ADGRD1: variants seen among roughly 807,000 people sequenced by gnomAD.
ADGRD1 encodes adhesion G protein-coupled receptor D1, also known as G-protein coupled receptor 133.
Under a neutral mutation model 113.4 loss-of-function variants are expected in ADGRD1, and 77 were observed. The ratio of observed to expected loss-of-function variants is 0.68; its 90% CI spans 0.57 to 0.82. The LOEUF (loss-of-function observed/expected upper bound fraction) is 0.82, where lower values mean the gene tolerates loss of function less well. Among genes scored for constraint, ADGRD1 ranks in the 40% least tolerant of loss-of-function variants. ADGRD1 has a pLI of 0.00. For missense variants in ADGRD1, 1,036 were observed against 1,139.1 expected, an observed-to-expected ratio of 0.91 and a Z score of 1.30; for synonymous variants, 474 against 475.0, an observed-to-expected ratio of 1.00 and a Z score of 0.03.
Position 131,004,172 on chromosome 12 carries a change from T to C in ADGRD1, c.1145-14T>C. ...TCTGACGGGACTTCCGCTCTCTCGC[T>C]CCTTCCACCGCAGAGTTTTCCGTGG... is the stretch of plus-strand genomic sequence containing the variant. On this transcript the variant is annotated splice_polypyrimidine_tract_variant and intron_variant, in intron 10 of 24. Coordinates refer to ENST00000261654, the MANE Select transcript of ADGRD1 (RefSeq NM_198827.5). 2.6e-6 allele frequency: 4 copies of C among 1,557,476 alleles called. No individual in the cohort carries two copies. The highest frequency in any genetic ancestry group is 3.5e-6 in the Non-Finnish European group (4 of 1,128,824).
At chr12:131,130,221 T>C (rs868087617) in intron 20 of ADGRD1, among the ~76,000 whole-genome samples, 2 of 152,202 alleles carry the variant, frequency 1.3e-5, no homozygotes, top group South Asian at 4.1e-4. Context: ...TTCCCTTCCC[T>C]GGCCTTTGGA....
At chr12:131,121,769 G>A (rs1300570695) in intron 20 of ADGRD1, among the ~76,000 whole-genome samples, 2 of 152,176 alleles carry the variant, frequency 1.3e-5, no homozygotes, top group Admixed American at 6.5e-5. Context: ...TCCTGCACCT[G>A]CACTGGCATG....
intron 14 of ADGRD1, among the ~76,000 whole-genome samples, chr12:131,078,689 A>T (rs1158311830): frequency 6.6e-6 from 1 of 152,222 alleles, no homozygotes; most frequent in Non-Finnish European, 1.5e-5. Context: ...AGTTATTAGC[A>T]TGTTTATATT....
At chr12:131,092,486 G>A (rs1241820275) in intron 15 of ADGRD1, among the ~76,000 whole-genome samples, 2 of 152,212 alleles carry the variant, frequency 1.3e-5, no homozygotes, top group Admixed American at 6.5e-5. Context: ...GGCAGTGGTC[G>A]AGGAGCGTGT....
intron 11 of ADGRD1, 135 bp downstream of exon 11, chr12:131,004,431 G>GGCCGCCTGCGGTGCTCCCCCGA: frequency 3.1e-6 from 2 of 654,002 alleles, no homozygotes; most frequent in Non-Finnish European, 5.4e-6. Flanking sequence ...TGCTCCCCCG[G>GGCCGCCTGCGGTGCTCCCCCGA]ACTGCCTGTC....
chr12:130,969,240 G>T, intron 3 of ADGRD1: 1 of 598,638 alleles, frequency 1.7e-6, no homozygotes, highest in East Asian at 2.9e-5. Flanking sequence ...TAACCACTAG[G>T]GTTAAGTCTA....
chr12:131,106,441 C>G (rs964592671), intron 17 of ADGRD1, among the ~76,000 whole-genome samples: 2 of 152,204 alleles, frequency 1.3e-5, no homozygotes, highest in Non-Finnish European at 2.9e-5. Context: ...AGAGCTGAGA[C>G]TCTCTGAAGT....
chr12:131,107,284 C>T (rs1177693347), intron 17 of ADGRD1, among the ~76,000 whole-genome samples: 6 of 146,024 alleles, frequency 4.1e-5, no homozygotes, highest in Non-Finnish European at 7.5e-5. Flanking sequence ...TTCCCAGAGA[C>T]CTGTGTCTGA....
At chr12:131,074,712 C>T (rs1315842080) in intron 13 of ADGRD1, among the ~76,000 whole-genome samples, 1 of 152,206 alleles carries the variant, frequency 6.6e-6, no homozygotes, top group Non-Finnish European at 1.5e-5. Context: ...GTGGGGAACT[C>T]CACACACATG....
At chr12:131,095,707 G>A (rs964919168) in intron 15 of ADGRD1, among the ~76,000 whole-genome samples, 8 of 152,232 alleles carry the variant, frequency 5.3e-5, no homozygotes, top group African/African-American at 1.9e-4. Context: ...AGGGCTTGAC[G>A]TCTGAAGCAG....
chr12:131,131,624 G>A (rs547779767), intron 20 of ADGRD1, 101 bp from the exon 21 acceptor site: 1 of 764,826 alleles, frequency 1.3e-6, no homozygotes, highest in African/African-American at 1.8e-5. Context: ...GCCCTGGCTG[G>A]GCAGGGGTAG....
chr12:131,080,502 A>T (rs1320574879), intron 14 of ADGRD1, among the ~76,000 whole-genome samples: 1 of 152,174 alleles, frequency 6.6e-6, no homozygotes, highest in Non-Finnish European at 1.5e-5. Flanking sequence ...AGTTAAGATT[A>T]TGTCTTCTAT....
In ADGRD1 at chr12:131,116,878, T is replaced by C. The variant is rs985416317; in HGVS notation, c.2042-1507T>C. On this transcript the variant is annotated intron_variant, in intron 18 of 24. Transcript: ENST00000261654. Reference sequence around the variant, plus strand: ...AGGCCCCGTGGATGATGCCCCACTTTCTGAATAACGAGAAGTGTGTTCTTT... The same window carrying C: ...AGGCCCCGTGGATGATGCCCCACTTCCTGAATAACGAGAAGTGTGTTCTTT... 5.3e-5 allele frequency among the ~76,000 whole-genome samples: 8 copies of C among 152,336 alleles called. No homozygotes were observed. The East Asian group carries it at 1.5e-3, about 29-fold the overall frequency.
At chr12:131,086,990 T>G (rs1593189218) in intron 15 of ADGRD1, among the ~76,000 whole-genome samples, 1 of 152,268 alleles carries the variant, frequency 6.6e-6, no homozygotes, top group East Asian at 1.9e-4. Context: ...ACTACAGCCT[T>G]GAACTCCTGG....
chr12:131,039,060 A>G (rs1881840855), intron 13 of ADGRD1, among the ~76,000 whole-genome samples: 1 of 152,176 alleles, frequency 6.6e-6, no homozygotes, highest in South Asian at 2.1e-4. Flanking sequence ...AGGCCAGGAA[A>G]CTGCTGAGTC....
rs1267810864 is a variant in ADGRD1, at chr12:131,136,125, GT to G, written c.2360del (p.Phe787SerfsTer23). ...GCTTGCTGTCAACGGTTGTGCTGTG[GT>G]TTTCCAGTACATGTTTGCCACGCTC... ...GVLAVNGCAV[V>X]FQYMFATLNS... On this transcript the variant is annotated frameshift_variant, in exon 22 of 25. Coordinates refer to ENST00000261654, the MANE Select transcript of ADGRD1 (RefSeq NM_198827.5). LOFTEE classifies it high-confidence loss of function. 2 of 1,614,098 alleles carry G rather than the reference GT, an allele frequency of 1.2e-6. No homozygotes were observed. Among genetic ancestry groups the G allele is most frequent in the East Asian group, 2.2e-5 (1 of 44,892 alleles).
At chr12:131,064,474 T>G (rs1428831823) in intron 13 of ADGRD1, among the ~76,000 whole-genome samples, 1 of 152,254 alleles carries the variant, frequency 6.6e-6, no homozygotes, top group Admixed American at 6.5e-5. Flanking sequence ...TGAGTCAGCC[T>G]TGTATTCCAC....
At position 131,139,228 on chromosome 12, in the gene ADGRD1, C is replaced by A. The variant is rs766031472; in HGVS notation, c.2590C>A (p.His864Asn). ...TKLSPWDKSS[H>N]SAHRVDLSAV ...GCTCAGCCCTTGGGACAAGAGCAGC[C>A]ACTCTGCCCACCGCGTCGACCTGTC... Residue 864 changes from histidine to asparagine, a missense_variant, in exon 25 of 25, where the codon CAC becomes AAC. Coordinates refer to ENST00000261654, the MANE Select transcript of ADGRD1 (RefSeq NM_198827.5). 2.5e-6 allele frequency: 4 copies of A among 1,613,158 alleles called. No homozygotes were observed. The highest frequency in any genetic ancestry group is 3.4e-6 in the Non-Finnish European group (4 of 1,179,880).
intron 14 of ADGRD1, among the ~76,000 whole-genome samples, chr12:131,083,380 T>C (rs1360586425): frequency 2.0e-5 from 3 of 151,954 alleles, no homozygotes. Context: ...GGCAGGAAGG[T>C]TGTTTTAGCC....
Sources: gnomAD v4.1 joint callset for allele counts (sites outside exome capture counted in the v4.1 genomes callset) on GRCh38, gnomAD v4.1.1 for gene constraint, MANE v1.5 for transcripts, NCBI Gene and HGNC (gene_info 2026-07-23, HGNC 2026-07-21) for gene names.